The following GTF2I variants were observed in gnomAD, a reference collection of about 807,000 sequenced individuals.
GTF2I encodes the protein general transcription factor IIi, also known as general transcription factor II-I.
GTF2I carries 12 observed loss-of-function variants against 67.6 expected under a neutral mutation model. The ratio of observed to expected loss-of-function variants is 0.18; its 90% confidence interval spans 0.11 to 0.29. The LOEUF (loss-of-function observed/expected upper bound fraction) is 0.29, where lower values mean the gene tolerates loss of function less well. Ranked by LOEUF, GTF2I falls within the 10% of genes least tolerant of loss-of-function variation. The pLI, the probability that GTF2I is intolerant of heterozygous loss-of-function variation, is 1.00. For missense variants in GTF2I, 271 were observed against 580.1 expected (o/e 0.47, Z 5.47); for synonymous variants, 149 against 197.0 (o/e 0.76, Z 2.04).
chr7:74,679,821 C>T (rs1177431568), intron 1 of GTF2I, among the ~76,000 whole-genome samples: 1 of 152,052 alleles, frequency 6.6e-6, no homozygotes, highest in Non-Finnish European at 1.5e-5. Context: ...TGGCTCTCGC[C>T]TGTAATCCCA....
At chr7:74,662,559 A>G (rs1240540859) in intron 1 of GTF2I, among the ~76,000 whole-genome samples, 17 of 102,652 alleles carry the variant, frequency 1.7e-4, no homozygotes, top group Non-Finnish European at 3.0e-4. Flanking sequence ...GTCTTGCTCT[A>G]TCGCCCAGGC....
chr7:74,715,946 A>G (rs1360943330), intron 10 of GTF2I, among the ~76,000 whole-genome samples: 4 of 152,118 alleles, frequency 2.6e-5, no homozygotes, highest in African/African-American at 4.8e-5. Context: ...GATAAAATAC[A>G]TTTATAACAT....
At chr7:74,671,362 T>G (rs139535082) in intron 1 of GTF2I, among the ~76,000 whole-genome samples, 18 of 152,080 alleles carry the variant, frequency 1.2e-4, no homozygotes, top group African/African-American at 4.3e-4. Context: ...GCTGGGATTA[T>G]AGGCATGAGC....
chr7:74,731,415 T>TA (rs1402831317), intron 14 of GTF2I, among the ~76,000 whole-genome samples: 1 of 145,100 alleles, frequency 6.9e-6, no homozygotes, highest in Non-Finnish European at 1.5e-5. Flanking sequence ...AATCTACAAT[T>TA]AGAGTAAATT....
At chr7:74,675,297 C>G (rs911202335) in intron 1 of GTF2I, among the ~76,000 whole-genome samples, 5 of 152,154 alleles carry the variant, frequency 3.3e-5, no homozygotes, top group African/African-American at 1.2e-4. Context: ...TGAGGTTAAG[C>G]ATTTTGAGCA....
intron 1 of GTF2I, among the ~76,000 whole-genome samples, chr7:74,670,799 C>G (rs1267565917): frequency 6.6e-6 from 1 of 150,816 alleles, no homozygotes; most frequent in Non-Finnish European, 1.5e-5. Flanking sequence ...AATGGTTTTT[C>G]CAAAATCCAA....
chr7:74,681,447 AAAG>A (rs1254769792), intron 1 of GTF2I, among the ~76,000 whole-genome samples: 2 of 151,868 alleles, frequency 1.3e-5, no homozygotes, highest in African/African-American at 4.9e-5. Flanking sequence ...AAATAAAAAA[AAAG>A]AAAAAAAGAA....
chr7:74,660,927 G>T (rs906732488), intron 1 of GTF2I, among the ~76,000 whole-genome samples: 1 of 152,128 alleles, frequency 6.6e-6, no homozygotes. Flanking sequence ...GTGCCTTGCC[G>T]GTGGTAGCAA....
At chr7:74,700,555 A>G in intron 5 of GTF2I, 51 bp from the exon 6 acceptor site, 3 of 1,607,250 alleles carry the variant, frequency 1.9e-6, no homozygotes, top group Middle Eastern at 3.3e-4. Flanking sequence ...TATGCTTTAC[A>G]ATAATTTTGC....
At chr7:74,668,672 C>T (rs989112280) in intron 1 of GTF2I, among the ~76,000 whole-genome samples, 9 of 151,900 alleles carry the variant, frequency 5.9e-5, no homozygotes, top group African/African-American at 2.2e-4. Context: ...TTCCTGGGTT[C>T]AAGCAATTCT....
At chr7:74,723,888 A>G (rs1315691709) in intron 12 of GTF2I, among the ~76,000 whole-genome samples, 1 of 151,978 alleles carries the variant, frequency 6.6e-6, no homozygotes, top group African/African-American at 2.4e-5. Flanking sequence ...AGAGCAGTCA[A>G]TAGTTTTTTG....
In GTF2I at chr7:74,698,986, A is replaced by C. The variant is rs1789361710; in HGVS notation, c.264A>C (p.Ala88=). 6.8e-7 allele frequency: 1 copy of C among 1,465,030 alleles called. No individual in the cohort carries two copies. The highest frequency in any genetic ancestry group is 1.4e-5 in the African/African-American group (1 of 69,990). 90.8% of individuals were successfully genotyped at this position (1,465,030 alleles called of 1,614,324 possible). ...GTGTTGAAGAAGAAGAAAAAGCTGC[A>C]GAGATGCATAAAATGAAATCTACAA... The part of the protein sequence containing the change: ...KYCVEEEEKA[A]EMHKMKSTTQ... The change falls in exon 4 of 35, where the codon GCA becomes GCC. Residue 88 remains alanine (A), a synonymous_variant. Coordinates refer to ENST00000573035, the MANE Select transcript of GTF2I (RefSeq NM_032999.4).
In GTF2I at chr7:74,718,867, A is replaced by AT. The variant is rs782292873; in HGVS notation, c.881-5dup. On this transcript the variant is annotated splice_polypyrimidine_tract_variant and intron_variant, in intron 11 of 34. Transcript: ENST00000573035. ...ATAATGAATGTCATTTTAGAATTTTATTTTTTTCAAGATTCTACTCAACAT... is the reference window on the plus strand; with the variant it reads ...ATAATGAATGTCATTTTAGAATTTTATTTTTTTTCAAGATTCTACTCAACAT... The AT allele has an allele frequency of 1.7e-5, 25 of 1,439,160 alleles. No individual in the cohort carries two copies. Among genetic ancestry groups the AT allele is most frequent in the Admixed American group, 6.0e-5 (3 of 49,890 alleles). The allele number at this position is 1,439,160 out of a possible 1,614,324, so 89.1% of individuals were successfully genotyped here. A position where few individuals can be genotyped will look rare whatever the true frequency, so the allele number is the denominator to read the frequency against.
chr7:74,681,744 T>C (rs1787292195), intron 1 of GTF2I, among the ~76,000 whole-genome samples: 2 of 152,112 alleles, frequency 1.3e-5, no homozygotes, highest in Admixed American at 6.5e-5. Context: ...AAATCCTGTC[T>C]CTACTAAAAA....
intron 3 of GTF2I, among the ~76,000 whole-genome samples, chr7:74,692,599 C>T (rs1254487535): frequency 6.6e-6 from 1 of 152,182 alleles, no homozygotes; most frequent in Non-Finnish European, 1.5e-5. Context: ...TACCCACAGC[C>T]TTTCACAGTA....
intron 1 of GTF2I, among the ~76,000 whole-genome samples, chr7:74,664,971 T>A (rs1291229525): frequency 1.3e-5 from 2 of 151,932 alleles, no homozygotes; most frequent in Non-Finnish European, 2.9e-5. Context: ...GACAGAGTTT[T>A]GCTCTTGTTG....
At chr7:74,660,616 CTTTTCT>C (rs1237210122) in intron 1 of GTF2I, among the ~76,000 whole-genome samples, 1 of 111,250 alleles carries the variant, frequency 9.0e-6, no homozygotes, top group African/African-American at 2.9e-5. Context: ...TTTTTCTTTT[CTTTTCT>C]TTTTTTTTTT....
intron 1 of GTF2I, among the ~76,000 whole-genome samples, chr7:74,673,195 C>T (rs1805610273): frequency 6.6e-6 from 1 of 152,102 alleles, no homozygotes; most frequent in Non-Finnish European, 1.5e-5. Context: ...GCATTAACAT[C>T]TTTAATCCTC....
chr7:74,665,189 G>A (rs1804863844), intron 1 of GTF2I, among the ~76,000 whole-genome samples: 2 of 151,240 alleles, frequency 1.3e-5, no homozygotes, highest in East Asian at 2.0e-4. Context: ...TGATCCACCC[G>A]CCTCGGCCTC....
Sources: gnomAD v4.1 joint callset for allele counts (sites outside exome capture counted in the v4.1 genomes callset) on GRCh38, gnomAD v4.1.1 for gene constraint, MANE v1.5 for transcripts, NCBI Gene and HGNC (gene_info 2026-07-23, HGNC 2026-07-21) for gene names.